The following GARRE1 variants were observed in gnomAD, a reference collection of about 807,000 sequenced individuals.
The protein encoded by GARRE1 is granule associated Rac and RHOG effector protein 1.
Under a neutral mutation model 103.2 loss-of-function variants are expected in GARRE1, and 49 were observed. That is an observed-to-expected ratio of 0.47 (90% CI 0.38 to 0.60). The LOEUF is 0.60. Ranked by LOEUF, GARRE1 falls within the 20% of genes least tolerant of loss-of-function variation. GARRE1 has a pLI of 0.00. For missense variants in GARRE1, 1,199 were observed against 1,370.5 expected, an observed-to-expected ratio of 0.87 and a Z score of 1.98; for synonymous variants, 505 against 532.8, an observed-to-expected ratio of 0.95 and a Z score of 0.72.
At position 34,254,566 on chromosome 19, in the gene GARRE1, G is replaced by A. The variant is rs1432784310; in HGVS notation, c.-844G>A. On this transcript the variant is annotated 5_prime_UTR_variant, in exon 1 of 14. Coordinates refer to ENST00000299505, the MANE Select transcript of GARRE1 (RefSeq NM_014686.5). ...CCGGACCGGAGACGTAACTTCCGGT[G>A]TACACAGCCGGTCCAAGGCGGTGCG... The A allele has an allele frequency of 2.0e-5, 3 of 152,286 alleles. No individual in the cohort carries two copies. Among genetic ancestry groups the A allele is most frequent in the South Asian group, 1.8e-4 (1 of 5,532 alleles). The allele number at this position is 152,286 out of a possible 1,614,324, so 9.4% of individuals were successfully genotyped here.
At chr19:34,323,099 T>G (rs936094660) in intron 3 of GARRE1, among the ~76,000 whole-genome samples, 8 of 141,482 alleles carry the variant, frequency 5.7e-5, no homozygotes, top group Non-Finnish European at 1.2e-4. Flanking sequence ...GGTGCGATGT[T>G]GGCTCACTGC....
rs1464520906 is a variant in GARRE1, at chr19:34,352,912, C to T, written c.3170C>T (p.Pro1057Leu). 6.3e-7 allele frequency: 1 copy of T among 1,578,680 alleles called. No individual in the cohort carries two copies. Among genetic ancestry groups the T allele is most frequent in the East Asian group, 2.3e-5 (1 of 43,504 alleles). Residue 1057 changes from proline (P) to leucine (L), a missense_variant, in exon 14 of 14, where the codon CCT becomes CTT. Pro to Leu is a moderately conservative substitution (Grantham distance 98). Coordinates refer to ENST00000299505, the MANE Select transcript of GARRE1 (RefSeq NM_014686.5). ...GCACCCAAGGGCTTCAAGGCCTTCC[C>T]TGGGAAGGGTGAGCGCAGGCCAGCC... ...KAAPKGFKAF[P>L]GKGERRPAYL...
chr19:34,299,005 A>G (rs1451235424), intron 1 of GARRE1, among the ~76,000 whole-genome samples: 1 of 152,078 alleles, frequency 6.6e-6, no homozygotes, highest in African/African-American at 2.4e-5. Flanking sequence ...CTGGTACCGG[A>G]GTGAGGATTG....
intron 1 of GARRE1, among the ~76,000 whole-genome samples, chr19:34,271,504 T>C (rs1219978062): frequency 6.6e-6 from 1 of 152,022 alleles, no homozygotes; most frequent in African/African-American, 2.4e-5. Context: ...CGCCTCGGCC[T>C]TCCAGAGTGC....
At position 34,352,849 on chromosome 19, in the gene GARRE1, C is replaced by T. The variant is rs550999047; in HGVS notation, c.3107C>T (p.Thr1036Ile). The T allele has an allele frequency of 9.4e-5, 145 of 1,537,642 alleles. No homozygotes were observed. The highest frequency in any genetic ancestry group is 1.2e-4 in the Non-Finnish European group (135 of 1,118,406). The part of the protein sequence containing the change: ...CSAAAFSYVQ[T>I]PPQPPPPPAH... ...GCCGCTGCCTTCTCCTATGTGCAGA[C>T]CCCACCCCAGCCCCCACCCCCACCA... The change falls in exon 14 of 14, where the codon ACC (threonine) becomes ATC (isoleucine). Residue 1036 changes from threonine (T) to isoleucine (I), a missense_variant. Thr to Ile is a moderately conservative substitution (Grantham distance 89). Coordinates refer to ENST00000299505, the MANE Select transcript of GARRE1 (RefSeq NM_014686.5).
rs767829964 is a variant in GARRE1, at chr19:34,328,167, G to A, written c.1104+16G>A. On this transcript the variant is annotated intron_variant, in intron 6 of 13. Coordinates refer to ENST00000299505, the MANE Select transcript of GARRE1 (RefSeq NM_014686.5). ...ACTTAAGACGGTAGCTTTCCATGGGGTTCCAGCAAATGAGTGTGAACTTGA... is the reference window on the plus strand; with the variant it reads ...ACTTAAGACGGTAGCTTTCCATGGGATTCCAGCAAATGAGTGTGAACTTGA... The A allele has an allele frequency of 2.5e-6, 4 of 1,611,800 alleles. No homozygotes were observed. The highest frequency in any genetic ancestry group is 3.3e-5 in the Admixed American group (2 of 59,962).
chr19:34,350,785 G>A (rs1394953437), intron 12 of GARRE1, among the ~76,000 whole-genome samples: 4 of 151,954 alleles, frequency 2.6e-5, no homozygotes, highest in Non-Finnish European at 5.9e-5. Flanking sequence ...GTTTCACCAT[G>A]TTAGCCAGGA....
chr19:34,299,002 C>T (rs936981294), intron 1 of GARRE1, among the ~76,000 whole-genome samples: 23 of 152,090 alleles, frequency 1.5e-4, no homozygotes, highest in African/African-American at 5.6e-4. Context: ...AAACTGGTAC[C>T]GGAGTGAGGA....
In GARRE1 at chr19:34,353,843, A is replaced by C. The variant is rs910710542; in HGVS notation, c.*888A>C. ...AGGGGCACTCAGAGACACCTGCACT[A>C]GAAATTGCATTGACATTGTGAGCTG... On this transcript the variant is annotated 3_prime_UTR_variant, in exon 14 of 14. Coordinates refer to ENST00000299505, the MANE Select transcript of GARRE1 (RefSeq NM_014686.5). 2 of 152,546 alleles carry C rather than the reference A, an allele frequency of 1.3e-5. No individual in the cohort carries two copies. The highest frequency in any genetic ancestry group is 2.9e-5 in the Non-Finnish European group (2 of 68,042). The allele number at this position is 152,546 out of a possible 1,614,324, so 9.4% of individuals were successfully genotyped here.
At chr19:34,274,629 A>C (rs1478224673) in intron 1 of GARRE1, among the ~76,000 whole-genome samples, 7 of 152,166 alleles carry the variant, frequency 4.6e-5, no homozygotes, top group African/African-American at 1.7e-4. Context: ...CACAGGACAA[A>C]GATCTGGGCT....
At chr19:34,296,490 A>T (rs554904117) in intron 1 of GARRE1, 1 of 1,594,888 alleles carries the variant, frequency 6.3e-7, no homozygotes, top group East Asian at 2.2e-5. Flanking sequence ...ACCCTTTGGG[A>T]TCTTGGGCTT....
chr19:34,334,261 T>C (rs1013414756), intron 8 of GARRE1, among the ~76,000 whole-genome samples: 10 of 152,180 alleles, frequency 6.6e-5, no homozygotes, highest in Middle Eastern at 3.2e-3. Context: ...TTTTTAGATA[T>C]TATATTTGTA....
chr19:34,317,945 T>C (rs565115921), intron 2 of GARRE1, among the ~76,000 whole-genome samples: 210 of 152,320 alleles, frequency 1.4e-3, no homozygotes, highest in Non-Finnish European at 2.6e-3. Context: ...TCCCTCACCC[T>C]GCCCAGTCTA....
At chr19:34,335,903 A>G (rs1161051968) in intron 8 of GARRE1, among the ~76,000 whole-genome samples, 1 of 152,146 alleles carries the variant, frequency 6.6e-6, no homozygotes, top group Non-Finnish European at 1.5e-5. Context: ...ATTTAAGTAA[A>G]TGTTGGCAGT....
Position 34,349,094 on chromosome 19 carries a change from G to A in GARRE1, c.2766G>A (p.Gly922=). ...GTGATGAGACATCCTCAGCCAACGG[G>A]GACAGCTTGTTCTCCATGTTTTCAG... is the stretch of plus-strand genomic sequence containing the variant. ...SSSDETSSAN[G]DSLFSMFSGP... is the part of the protein sequence containing the mutation. Residue 922 remains glycine, a synonymous_variant, in exon 12 of 14, where the codon GGG becomes GGA. Coordinates refer to ENST00000299505, the MANE Select transcript of GARRE1 (RefSeq NM_014686.5). 1 of 1,612,832 alleles carries A rather than the reference G, an allele frequency of 6.2e-7. No homozygotes were observed. The highest frequency in any genetic ancestry group is 8.5e-7 in the Non-Finnish European group (1 of 1,180,010).
intron 2 of GARRE1, among the ~76,000 whole-genome samples, chr19:34,318,167 A>G (rs559226119): frequency 6.6e-6 from 1 of 152,260 alleles, no homozygotes; most frequent in South Asian, 2.1e-4. Context: ...TCTTGCTGGG[A>G]ACTGGCTTGC....
intron 1 of GARRE1, among the ~76,000 whole-genome samples, chr19:34,290,106 C>T (rs552343049): frequency 6.6e-6 from 1 of 152,170 alleles, no homozygotes; most frequent in Non-Finnish European, 1.5e-5. Flanking sequence ...CCTGTAATTC[C>T]AGCACTTTGG....
At chr19:34,256,544 G>A (rs2073674305) in intron 1 of GARRE1, among the ~76,000 whole-genome samples, 1 of 151,256 alleles carries the variant, frequency 6.6e-6, no homozygotes, top group Non-Finnish European at 1.5e-5. Flanking sequence ...AGAAATTCAT[G>A]TTTGCGTCTC....
intron 2 of GARRE1, among the ~76,000 whole-genome samples, chr19:34,303,093 A>G (rs1239398640): frequency 3.3e-5 from 5 of 152,198 alleles, no homozygotes; most frequent in Admixed American, 3.3e-4. Flanking sequence ...TCTAGATTAC[A>G]ATGTAAGATT....
Sources: allele counts gnomAD v4.1 joint callset (sites outside exome capture counted in the v4.1 genomes callset), GRCh38; gene constraint gnomAD v4.1.1; transcripts MANE v1.5; gene names NCBI Gene and HGNC (gene_info 2026-07-23, HGNC 2026-07-21).